The following RNF180 variants were observed in gnomAD, a reference collection of about 807,000 sequenced individuals.
RNF180 encodes E3 ubiquitin-protein ligase RNF180.
In RNF180, 38 loss-of-function variants were observed where a neutral mutation model predicts 59.2. That is an observed-to-expected ratio of 0.64 (90% CI 0.50 to 0.84). RNF180 has a LOEUF of 0.84. Among genes scored for constraint, RNF180 ranks in the 40% least tolerant of loss-of-function variants. The pLI is 0.00. For missense variants in RNF180, 705 were observed against 700.9 expected (o/e 1.01, Z -0.07); for synonymous variants, 262 against 240.3 (o/e 1.09, Z -0.84).
At chr5:64,293,071 CGCT>C (rs1486938569) in intron 5 of RNF180, among the ~76,000 whole-genome samples, 1 of 152,176 alleles carries the variant, frequency 6.6e-6, no homozygotes, top group Non-Finnish European at 1.5e-5. Context: ...CAGCCTGTTG[CGCT>C]GGGTTGGCTG....
At chr5:64,294,897 A>G (rs1045263174) in intron 5 of RNF180, among the ~76,000 whole-genome samples, 2 of 152,176 alleles carry the variant, frequency 1.3e-5, no homozygotes, top group Non-Finnish European at 2.9e-5. Flanking sequence ...CATAAAGCGT[A>G]TTACTCTGGA....
intron 1 of RNF180, among the ~76,000 whole-genome samples, chr5:64,183,685 T>A (rs960193599): frequency 6.6e-6 from 1 of 152,168 alleles, no homozygotes; most frequent in African/African-American, 2.4e-5. Context: ...TGGCCTCAAG[T>A]GATCTGCCCG....
chr5:64,217,219 C>A, intron 4 of RNF180, 142 bp from the exon 5 acceptor site: 1 of 1,012,356 alleles, frequency 9.9e-7, no homozygotes, highest in Non-Finnish European at 1.3e-6. Context: ...CAGTAGTATT[C>A]CATTGTATGA....
chr5:64,204,287 G>T (rs1751904897), intron 2 of RNF180, among the ~76,000 whole-genome samples: 1 of 152,162 alleles, frequency 6.6e-6, no homozygotes, highest in Admixed American at 6.5e-5. Flanking sequence ...CAGTGCTACT[G>T]TGAACTTTCT....
At chr5:64,173,793 G>A (rs1404852847) in intron 1 of RNF180, among the ~76,000 whole-genome samples, 1 of 149,788 alleles carries the variant, frequency 6.7e-6, no homozygotes, top group Admixed American at 6.7e-5. Flanking sequence ...TCGGCTCACT[G>A]CAACCTCTGC....
intron 5 of RNF180, among the ~76,000 whole-genome samples, chr5:64,259,545 G>A (rs929587967): frequency 6.6e-6 from 1 of 152,092 alleles, no homozygotes; most frequent in Non-Finnish European, 1.5e-5. Context: ...TACTCCTATT[G>A]TCTGAACTTT....
intron 5 of RNF180, among the ~76,000 whole-genome samples, chr5:64,309,853 G>C (rs1743673072): frequency 6.6e-6 from 1 of 151,554 alleles, no homozygotes. Flanking sequence ...GTGTCAGGTT[G>C]ACTGGCTTTT....
intron 4 of RNF180, among the ~76,000 whole-genome samples, chr5:64,216,976 A>G (rs1283883939): frequency 6.6e-6 from 1 of 152,208 alleles, no homozygotes; most frequent in African/African-American, 2.4e-5. Flanking sequence ...CTCTTGTGCT[A>G]TATACCTTTA....
chr5:64,342,231 T>G (rs926120200), intron 7 of RNF180, among the ~76,000 whole-genome samples: 11 of 152,092 alleles, frequency 7.2e-5, no homozygotes, highest in Non-Finnish European at 1.5e-4. Context: ...CAAACAAATT[T>G]GAGATATATG....
chr5:64,340,498 A>G (rs1222176776), intron 7 of RNF180, among the ~76,000 whole-genome samples: 2 of 152,232 alleles, frequency 1.3e-5, no homozygotes, highest in Non-Finnish European at 2.9e-5. Flanking sequence ...GATTATCTCT[A>G]ATAGAAAACA....
chr5:64,211,917 T>A, intron 2 of RNF180, 148 bp from the exon 3 acceptor site: 1 of 490,114 alleles, frequency 2.0e-6, no homozygotes, highest in Non-Finnish European at 3.7e-6. Context: ...GGCTTGTTTT[T>A]TTATTATGGG....
At chr5:64,217,966 T>A (rs1211812074) in intron 5 of RNF180, among the ~76,000 whole-genome samples, 1 of 152,060 alleles carries the variant, frequency 6.6e-6, no homozygotes, top group Non-Finnish European at 1.5e-5. Context: ...TTTTACTCAC[T>A]TTTTAATTGG....
chr5:64,254,231 T>C (rs1255590997), intron 5 of RNF180, among the ~76,000 whole-genome samples: 4 of 152,134 alleles, frequency 2.6e-5, no homozygotes, highest in Non-Finnish European at 5.9e-5. Context: ...CCTTTAGCTG[T>C]TTTAAGATGC....
intron 1 of RNF180, among the ~76,000 whole-genome samples, chr5:64,174,144 T>G (rs1306105265): frequency 6.6e-6 from 1 of 152,150 alleles, no homozygotes; most frequent in Non-Finnish European, 1.5e-5. Flanking sequence ...ACTTCATCCC[T>G]TTTTTTGGCT....
chr5:64,236,822 C>T (rs1286781333), intron 5 of RNF180, among the ~76,000 whole-genome samples: 1 of 152,180 alleles, frequency 6.6e-6, no homozygotes, highest in Admixed American at 6.5e-5. Flanking sequence ...CAGGCTGTTG[C>T]TTCAGAGGGT....
At chr5:64,276,087 ATGTGT>A (rs1453015359) in intron 5 of RNF180, among the ~76,000 whole-genome samples, 1 of 152,094 alleles carries the variant, frequency 6.6e-6, no homozygotes, top group Non-Finnish European at 1.5e-5. Flanking sequence ...TTTGTCTACT[ATGTGT>A]TGAGCATAAG....
At chr5:64,170,903 G>A (rs1422002527) in intron 1 of RNF180, among the ~76,000 whole-genome samples, 1 of 152,186 alleles carries the variant, frequency 6.6e-6, no homozygotes, top group Non-Finnish European at 1.5e-5. Context: ...CAGTCACCAG[G>A]TTCCAACAAG....
chr5:64,240,837 T>C (rs1742765361), intron 5 of RNF180, among the ~76,000 whole-genome samples: 2 of 152,208 alleles, frequency 1.3e-5, no homozygotes, highest in African/African-American at 4.8e-5. Context: ...GACTACCCTT[T>C]CTGAAGTAGT....
At chr5:64,363,942 T>A (rs892379316) in intron 7 of RNF180, among the ~76,000 whole-genome samples, 1 of 151,600 alleles carries the variant, frequency 6.6e-6, no homozygotes, top group Non-Finnish European at 1.5e-5. Context: ...AGTTTCTATC[T>A]TGAGAATCTG....
Sources: gnomAD v4.1 joint callset for allele counts (sites outside exome capture counted in the v4.1 genomes callset) on GRCh38, gnomAD v4.1.1 for gene constraint, MANE v1.5 for transcripts, NCBI Gene and HGNC (gene_info 2026-07-23, HGNC 2026-07-21) for gene names.